The following PAICS variants were observed in gnomAD, a reference collection of about 807,000 sequenced individuals.
The protein encoded by PAICS is bifunctional phosphoribosylaminoimidazole carboxylase/phosphoribosylaminoimidazole succinocarboxamide synthetase.
Under a neutral mutation model 53.7 loss-of-function variants are expected in PAICS, and 33 were observed. That is an observed-to-expected ratio of 0.61 (90% CI 0.47 to 0.82). PAICS has a LOEUF of 0.82. Among genes scored for constraint, PAICS ranks in the 40% least tolerant of loss-of-function variants. The pLI, the probability that PAICS is intolerant of heterozygous loss-of-function variation, is 0.00. For missense variants in PAICS, 394 were observed against 494.1 expected, an observed-to-expected ratio of 0.80 and a Z score of 1.92; for synonymous variants, 141 against 167.2, an observed-to-expected ratio of 0.84 and a Z score of 1.21.
At chr4:56,419,594 T>G in the PAICS span, 3 of 839,556 alleles carry the variant, frequency 3.6e-6, no homozygotes, top group Non-Finnish European at 4.3e-6. Flanking sequence ...ATATATCTTT[T>G]ACCTCTCTAC....
chr4:56,459,121 A>G (rs1355031614), intron 8 of PAICS, among the ~76,000 whole-genome samples: 1 of 152,210 alleles, frequency 6.6e-6, no homozygotes, highest in Non-Finnish European at 1.5e-5. Context: ...AGTGAGTTCT[A>G]TAAGAAGGGT....
At chr4:56,429,774 TC>T in the PAICS span, among the ~76,000 whole-genome samples, 1 of 152,168 alleles carries the variant, frequency 6.6e-6, no homozygotes, top group East Asian at 1.9e-4. Context: ...CCTAAAAGCC[TC>T]CCAGTCATTA....
At chr4:56,422,149 C>G in the PAICS span, 1 of 152,118 alleles carries the variant, frequency 6.6e-6, no homozygotes, top group Admixed American at 6.6e-5. Flanking sequence ...TGGCACATGC[C>G]TGTAATCCCA....
chr4:56,428,090 T>C, the PAICS span, among the ~76,000 whole-genome samples: 2 of 152,348 alleles, frequency 1.3e-5, no homozygotes, highest in East Asian at 3.9e-4. Context: ...TTTTAGAATA[T>C]ACTGTTTGAA....
At chr4:56,426,695 T>C in the PAICS span, among the ~76,000 whole-genome samples, 1 of 152,246 alleles carries the variant, frequency 6.6e-6, no homozygotes, top group Non-Finnish European at 1.5e-5. Flanking sequence ...TTTGGGTCAC[T>C]GCCATTTTCT....
At position 56,451,876 on chromosome 4, in the gene PAICS, T is replaced by C. The variant is rs771504681; in HGVS notation, c.776T>C (p.Leu259Pro). ...FEWVAERVEL[L>P]LKSESQCRVV... is the part of the protein sequence containing the mutation. ...ATCCACGTATTTTTTCTTCAGTTGC[T>C]TTTGAAATCAGAAAGTCAGTGCAGG... The change falls in exon 7 of 9, where the codon CTT becomes CCT. Residue 259 changes from leucine (L) to proline (P), a missense_variant. By Grantham distance (98) the Leu-to-Pro change is moderately conservative (BLOSUM62 -3). Coordinates refer to ENST00000512576, the MANE Select transcript of PAICS (RefSeq NM_001079524.2). 1.9e-6 allele frequency: 3 copies of C among 1,551,892 alleles called. No individual in the cohort carries two copies. The South Asian group carries it at 3.7e-5, about 19-fold the overall frequency.
intron 7 of PAICS, 73 bp downstream of exon 7, chr4:56,452,125 T>G (rs1316470684): frequency 2.1e-6 from 2 of 942,898 alleles, no homozygotes; most frequent in African/African-American, 3.3e-5. Flanking sequence ...TTTAGACTAA[T>G]AATGCTGAAA....
At position 56,452,033 on chromosome 4, in the gene PAICS, G is replaced by T; in HGVS notation, c.933G>T (p.Arg311Ser). ...ATAAAGGACCAGATGAAACTCTGAG[G>T]ATTAAAGCTGAGTATGAAGGTAAAC... is the stretch of plus-strand genomic sequence containing the variant. ...SAHKGPDETLRIKAEYEGDGI... is the reference protein window; with the variant it reads ...SAHKGPDETLSIKAEYEGDGI... Residue 311 changes from arginine (R) to serine (S), a missense_variant, in exon 7 of 9, where the codon AGG becomes AGT. By Grantham distance (110) the Arg-to-Ser change is moderately radical. Transcript: ENST00000512576. The T allele has an allele frequency of 6.2e-7, 1 of 1,604,682 alleles. No homozygotes were observed. Among genetic ancestry groups the T allele is most frequent in the South Asian group, 1.1e-5 (1 of 89,260 alleles).
intron 1 of PAICS, among the ~76,000 whole-genome samples, chr4:56,436,861 G>C (rs147192044): frequency 0.021 from 2,866 of 135,904 alleles, 85 homozygotes; most frequent in African/African-American, 0.077. Flanking sequence ...GCTGGACGTG[G>C]TGGCGCGCGC....
chr4:56,436,929 G>A (rs571253806), intron 1 of PAICS, among the ~76,000 whole-genome samples: 2 of 152,316 alleles, frequency 1.3e-5, no homozygotes, highest in African/African-American at 4.8e-5. Flanking sequence ...ACCCGGAGGC[G>A]GAGGTTGCAG....
rs184546460 is a variant in PAICS, at chr4:56,449,872, A to G, written c.688-747A>G. 1.8e-3 allele frequency among the ~76,000 whole-genome samples: 270 copies of G among 151,640 alleles called. 1 individual carries two copies. The highest frequency in any genetic ancestry group is 2.6e-3 in the Non-Finnish European group (178 of 67,912). Reference sequence around the variant, plus strand: ...GCACCTGTAATCCCAGCTTCTCGGAAGGCTGAGGCAGAGAATTGTTTGAAC... The same window carrying G: ...GCACCTGTAATCCCAGCTTCTCGGAGGGCTGAGGCAGAGAATTGTTTGAAC... On this transcript the variant is annotated intron_variant, in intron 5 of 8. Coordinates refer to ENST00000512576, the MANE Select transcript of PAICS (RefSeq NM_001079524.2).
chr4:56,420,728 G>T, the PAICS span: 2 of 152,142 alleles, frequency 1.3e-5, no homozygotes, highest in African/African-American at 4.8e-5. Context: ...GGGCATTGAA[G>T]AACTTAGAAA....
the PAICS span, among the ~76,000 whole-genome samples, chr4:56,417,679 G>A: frequency 0.19 from 28,176 of 151,904 alleles, 2,918 homozygotes; most frequent in Admixed American, 0.32. Flanking sequence ...CCAGCTACTT[G>A]TGAGGCTGAG....
chr4:56,448,365 A>G (rs1223499143), intron 3 of PAICS, 53 bp from the exon 4 acceptor site: 7 of 1,303,344 alleles, frequency 5.4e-6, no homozygotes, highest in Non-Finnish European at 7.3e-6. Context: ...TTTTTCTGAA[A>G]AGTTTAAAAA....
chr4:56,436,035 C>G (rs1360266552), upstream of PAICS: 23 of 1,518,500 alleles, frequency 1.5e-5, no homozygotes, highest in Middle Eastern at 8.0e-4. Flanking sequence ...TTCGCCTGTC[C>G]GGGCACTGCG....
chr4:56,410,764 T>TA, the PAICS span: 1 of 987,324 alleles, frequency 1.0e-6, no homozygotes, highest in African/African-American at 1.7e-5. Context: ...GAGACAGCTC[T>TA]AAAACTATGA....
chr4:56,453,528 CAA>C (rs58717604), intron 7 of PAICS, 73 bp from the exon 8 acceptor site: 9,543 of 858,320 alleles, frequency 0.011, no homozygotes, highest in South Asian at 0.023. Context: ...GGCCTTAAAC[CAA>C]AAAAAAAAAA....
intron 5 of PAICS, among the ~76,000 whole-genome samples, chr4:56,449,413 T>C (rs1230738967): frequency 1.3e-5 from 2 of 152,184 alleles, no homozygotes; most frequent in Non-Finnish European, 2.9e-5. Flanking sequence ...TTTTACACTG[T>C]TGGTGGGAAT....
At chr4:56,420,576 C>CA in the PAICS span, 1 of 151,866 alleles carries the variant, frequency 6.6e-6, no homozygotes, top group Non-Finnish European at 1.5e-5. Context: ...TACAGTTATA[C>CA]AAAAAGGAGG....
Sources: allele counts gnomAD v4.1 joint callset (sites outside exome capture counted in the v4.1 genomes callset), GRCh38; gene constraint gnomAD v4.1.1; transcripts MANE v1.5; gene names NCBI Gene and HGNC (gene_info 2026-07-23, HGNC 2026-07-21).